The following ZNFX1 variants were observed in gnomAD, a reference collection of about 807,000 sequenced individuals.
The protein encoded by ZNFX1 is NFX1-type zinc finger-containing protein 1.
Under a neutral mutation model 179.8 loss-of-function variants are expected in ZNFX1, and 78 were observed. The observed-to-expected ratio is 0.43, with a 90% CI of 0.36 to 0.52. The LOEUF (loss-of-function observed/expected upper bound fraction) is 0.52. Ranked by LOEUF, ZNFX1 falls within the 20% of genes least tolerant of loss-of-function variation. The pLI, the probability that ZNFX1 is intolerant of heterozygous loss-of-function variation, is 0.00. For synonymous variants in ZNFX1, 848 were observed against 868.5 expected, an observed-to-expected ratio of 0.98 and a Z score of 0.42; for missense variants, 1,927 against 2,386.6, an observed-to-expected ratio of 0.81 and a Z score of 4.01.
At chr20:49,260,323 C>A in intron 7 of ZNFX1, 140 bp downstream of exon 7, 1 of 412,286 alleles carries the variant, frequency 2.4e-6, no homozygotes, top group Non-Finnish European at 4.2e-6. Context: ...TATCTCTTTT[C>A]CTTATATTAA....
intron 2 of ZNFX1, among the ~76,000 whole-genome samples, chr20:49,274,604 C>A (rs1392336780): frequency 1.3e-5 from 2 of 151,916 alleles, no homozygotes; most frequent in African/African-American, 4.8e-5. Context: ...ACTAAAAACA[C>A]GAAAATTAGC....
intron 6 of ZNFX1, 63 bp from the exon 7 acceptor site, chr20:49,260,640 C>T: frequency 4.0e-6 from 5 of 1,241,554 alleles, no homozygotes; most frequent in South Asian, 1.3e-5. Flanking sequence ...GGCTGGGTCT[C>T]CTCAAAGAAT....
chr20:49,261,006 G>A (rs955958734), intron 6 of ZNFX1, among the ~76,000 whole-genome samples: 1 of 152,166 alleles, frequency 6.6e-6, no homozygotes, highest in Non-Finnish European at 1.5e-5. Context: ...GCTTGAACCC[G>A]GGAGGCAGAG....
In ZNFX1 at chr20:49,269,924, TA is replaced by T; in HGVS notation, c.1870+17del. ...CTTACAAAGCAGATCTTATGTACTC[TA>T]AAAAATTTTGTCTTACCTGTTCCAG... On this transcript the variant is annotated intron_variant, in intron 3 of 13. Transcript: ENST00000396105. 1.3e-6 allele frequency: 2 copies of T among 1,570,316 alleles called. No individual in the cohort carries two copies. Among genetic ancestry groups the T allele is most frequent in the Non-Finnish European group, 1.7e-6 (2 of 1,161,578 alleles).
Position 49,270,133 on chromosome 20 carries a change from A to C in ZNFX1, c.1679T>G (p.Leu560Ter). ...CCCAGTGGCTGAAGGATTCTCTATT[A>C]AGGGGGTAAAGTCGTATCTGCCCCC... is the stretch of plus-strand genomic sequence containing the variant. ...LMGGRYDFTPLIENPSATGEF... is the reference protein window; with the variant it reads ...LMGGRYDFTP Residue 560 changes from leucine to a stop codon, truncating the protein, a stop_gained, in exon 3 of 14, where the codon TTA becomes TGA. Transcript: ENST00000396105. LOFTEE classifies it high-confidence loss of function. This position sits in a 1 kb window ranked among gnomAD's most constrained non-coding sequence, Gnocchi z 4.6. The C allele has an allele frequency of 6.2e-7, 1 of 1,614,202 alleles. No individual in the cohort carries two copies. Among genetic ancestry groups the C allele is most frequent in the East Asian group, 2.2e-5 (1 of 44,882 alleles).
At chr20:49,266,509 AAAC>A (rs1333760842) in intron 3 of ZNFX1, among the ~76,000 whole-genome samples, 2 of 152,198 alleles carry the variant, frequency 1.3e-5, no homozygotes, top group East Asian at 3.9e-4. Context: ...ACGCATATAC[AAAC>A]AATACAAATG....
chr20:49,252,519 C>A (rs1444663481), intron 12 of ZNFX1, among the ~76,000 whole-genome samples: 3 of 151,786 alleles, frequency 2.0e-5, no homozygotes, highest in Admixed American at 1.3e-4. Flanking sequence ...AAGGAGAAAG[C>A]ATAACATAAA....
At chr20:49,255,146 C>T (rs1001816580) in intron 9 of ZNFX1, among the ~76,000 whole-genome samples, 3 of 151,432 alleles carry the variant, frequency 2.0e-5, no homozygotes, top group East Asian at 3.9e-4. Context: ...CGGGTTCAAG[C>T]GATTCTCCTG....
chr20:49,277,296 A>G (rs1364160912), intron 1 of ZNFX1, among the ~76,000 whole-genome samples: 1 of 151,808 alleles, frequency 6.6e-6, no homozygotes, highest in African/African-American at 2.4e-5. Flanking sequence ...CACGGTCCCT[A>G]ATGGAAATGT....
chr20:49,255,075 T>A (rs1221743244), intron 9 of ZNFX1, among the ~76,000 whole-genome samples: 1 of 151,356 alleles, frequency 6.6e-6, no homozygotes, highest in Non-Finnish European at 1.5e-5. Flanking sequence ...GACGGAGTCT[T>A]GCTCTGTCAC....
chr20:49,253,913 G>T, intron 10 of ZNFX1, 102 bp from the exon 11 acceptor site: 1 of 1,377,902 alleles, frequency 7.3e-7, no homozygotes, highest in Non-Finnish European at 1.0e-6. Flanking sequence ...CCCTGAACCT[G>T]CATCAGCGAC....
chr20:49,275,755 C>T (rs1981541214), intron 2 of ZNFX1, 24 bp downstream of exon 2: 1 of 1,611,462 alleles, frequency 6.2e-7, no homozygotes, highest in African/African-American at 1.3e-5. Context: ...ATTTCCTTCT[C>T]ATTAGGTAGG....
chr20:49,259,124 AAAT>A lies in ZNFX1; in HGVS notation c.2416+1336_2416+1338del, dbSNP rs202155177. On this transcript the variant is annotated intron_variant, in intron 7 of 13. Coordinates refer to ENST00000396105, the MANE Select transcript of ZNFX1 (RefSeq NM_021035.3). ...GACTCAGTCTCAAAAAAAAATAAAT[AAAT>A]AAATAAATAAATAAAATAAATACAC... is the stretch of plus-strand genomic sequence containing the variant. Among the ~76,000 whole-genome samples the A allele has an allele frequency of 4.5e-4, 66 of 146,496 alleles. 2 individuals carry two copies. The Middle Eastern group carries it at 0.011, about 24-fold the overall frequency.
chr20:49,247,439 C>A lies in ZNFX1; in HGVS notation c.5585G>T (p.Gly1862Val). The A allele has an allele frequency of 6.2e-7, 1 of 1,614,176 alleles. No homozygotes were observed. The highest frequency in any genetic ancestry group is 8.5e-7 in the Non-Finnish European group (1 of 1,180,014). Reference protein sequence around the residue: ...GHIYVIGDCGGAMERGTCPDC... With the variant: ...GHIYVIGDCGVAMERGTCPDC... The stretch of plus-strand genomic sequence containing the variant: ...AGGACACGTGCCCCTCTCCATGGCT[C>A]CCCCACAATCGCCAATCACATAGAT... Residue 1862 changes from glycine to valine, a missense_variant, in exon 14 of 14, where the codon GGA (glycine) becomes GTA (valine). Gly to Val is a moderately radical substitution (Grantham distance 109). Transcript: ENST00000396105.
chr20:49,246,249 C>T lies in ZNFX1; in HGVS notation c.*1018G>A, dbSNP rs1191332430. 2 of 152,352 alleles carry T rather than the reference C, an allele frequency of 1.3e-5. No individual in the cohort carries two copies. The highest frequency in any genetic ancestry group is 4.8e-5 in the African/African-American group (2 of 41,440). The allele number at this position is 152,352 out of a possible 1,614,324, so 9.4% of individuals were successfully genotyped here. On this transcript the variant is annotated 3_prime_UTR_variant, in exon 14 of 14. Coordinates refer to ENST00000396105, the MANE Select transcript of ZNFX1 (RefSeq NM_021035.3). ...AGGGGTAACCAGCAGTGCCACCAAA[C>T]CTGTCAGCAGGTAAAGAAACTTCTA...
chr20:49,270,315 G>A lies in ZNFX1; in HGVS notation c.1497C>T (p.Pro499=), dbSNP rs916394404. 2 of 1,613,972 alleles carry A rather than the reference G, an allele frequency of 1.2e-6. No homozygotes were observed. Among genetic ancestry groups the A allele is most frequent in the Non-Finnish European group, 1.7e-6 (2 of 1,180,016 alleles). The part of the protein sequence containing the change: ...QSQQLLAEVQ[P]SDSFLMVETT... ...TCTCTACCATGAGGAAAGAGTCAGA[G>A]GGCTGGACCTCTGCTAGCAGCTGTT... The change falls in exon 3 of 14, where the codon CCC becomes CCT. Residue 499 remains proline (P), a synonymous_variant. Coordinates refer to ENST00000396105, the MANE Select transcript of ZNFX1 (RefSeq NM_021035.3). The surrounding 1 kb of genome is among the most constrained non-coding windows in gnomAD (Gnocchi z 4.6).
Position 49,271,589 on chromosome 20 carries a change from T to A in ZNFX1, c.223A>T (p.Arg75Trp). 1 of 1,614,186 alleles carries A rather than the reference T, an allele frequency of 6.2e-7. No homozygotes were observed. The highest frequency in any genetic ancestry group is 8.5e-7 in the Non-Finnish European group (1 of 1,180,014). The change falls in exon 3 of 14, where the codon AGG becomes TGG. Residue 75 changes from arginine to tryptophan, a missense_variant. Transcript: ENST00000396105. ...QREERFRAMG[R>W]NPHQGRRNQE... ...TTCCTCCTTCCTTGATGTGGGTTCC[T>A]GCCCATGGCCCTAAATCTCTCTTCC...
At chr20:49,276,843 T>C in intron 1 of ZNFX1, among the ~76,000 whole-genome samples, 1 of 152,204 alleles carries the variant, frequency 6.6e-6, no homozygotes, top group East Asian at 1.9e-4. Flanking sequence ...ATATCTCTGG[T>C]GAGTCCCCTC....
chr20:49,249,785 C>T (rs1600984132), intron 13 of ZNFX1, 74 bp from the exon 14 acceptor site: 1 of 1,489,934 alleles, frequency 6.7e-7, no homozygotes, highest in East Asian at 2.3e-5. Flanking sequence ...TCTTGACATG[C>T]ACTGGCCACT....
Sources: allele counts gnomAD v4.1 joint callset (sites outside exome capture counted in the v4.1 genomes callset), GRCh38; gene constraint gnomAD v4.1.1; non-coding constraint Gnocchi (gnomAD v3.1); transcripts MANE v1.5; gene names NCBI Gene and HGNC (gene_info 2026-07-23, HGNC 2026-07-21).